Variants in COL7A1 observed in about 807,000 individuals in gnomAD.
COL7A1 encodes the protein collagen alpha-1(VII) chain.
In COL7A1, 296 loss-of-function variants were observed where a neutral mutation model predicts 456.2. The observed-to-expected ratio is 0.65, with a 90% confidence interval of 0.59 to 0.71. The LOEUF is 0.71. Ranked by LOEUF, COL7A1 falls within the 30% of genes least tolerant of loss-of-function variation. COL7A1 has a pLI of 0.00. For missense variants in COL7A1, 3,441 were observed against 4,017.2 expected (o/e 0.86, Z 3.88); for synonymous variants, 1,464 against 1,525.9 (o/e 0.96, Z 0.95).
At position 48,586,450 on chromosome 3, in the gene COL7A1, G is replaced by A. The variant is rs199679633; in HGVS notation, c.3432C>T (p.Tyr1144=). 1.1e-4 allele frequency: 183 copies of A among 1,613,826 alleles called. No individual in the cohort carries two copies. The highest frequency in any genetic ancestry group is 1.5e-4 in the Non-Finnish European group (172 of 1,180,038). The change falls in exon 27 of 119, where the codon TAC becomes TAT. Residue 1144 remains tyrosine (Y), a synonymous_variant. Transcript: ENST00000681320. The surrounding 1 kb of genome is among the most constrained non-coding windows in gnomAD (Gnocchi z 5.1). ...GCCCAGGAGCATCTGGTGCCAACAT[G>A]TATCTGTGAGCTGTGACCACGGCTG... The part of the protein sequence containing the change: ...LGTAVVTAHR[Y]MLAPDAPGRR...
chr3:48,593,090 G>T lies in COL7A1; in HGVS notation c.682+12C>A, dbSNP rs986366346. 4 of 1,614,134 alleles carry T rather than the reference G, an allele frequency of 2.5e-6. No individual in the cohort carries two copies. Among genetic ancestry groups the T allele is most frequent in the Non-Finnish European group, 3.4e-6 (4 of 1,180,020 alleles). On this transcript the variant is annotated intron_variant, in intron 6 of 118. Transcript: ENST00000681320. The surrounding 1 kb of genome is among the most constrained non-coding windows in gnomAD (Gnocchi z 4.4). ...GTCTAGGTCAGGGTACACCGTGTGGGCAGGAACTCACGAGGTCGGGTCACA... is the reference window on the plus strand; with the variant it reads ...GTCTAGGTCAGGGTACACCGTGTGGTCAGGAACTCACGAGGTCGGGTCACA...
rs1394564603 is a variant in COL7A1 at position 48,585,431 on chromosome 3, T to G, written c.3894+126A>C. On this transcript the variant is annotated intron_variant, in intron 32 of 118. Transcript: ENST00000681320. This position sits in a 1 kb window ranked among gnomAD's most constrained non-coding sequence, Gnocchi z 4.5. ...CCCCCAAAGTCTCTGTGGTGGTTTA[T>G]AACCTCCAGCTGGGCTTCTAGGAAT... 1 of 1,156,980 alleles carries G rather than the reference T, an allele frequency of 8.6e-7. No individual in the cohort carries two copies. Among genetic ancestry groups the G allele is most frequent in the Non-Finnish European group, 1.3e-6 (1 of 777,268 alleles). The allele number at this position is 1,156,980 out of a possible 1,614,324, so 71.7% of individuals were successfully genotyped here. A position where few individuals can be genotyped will look rare whatever the true frequency, so the allele number is the denominator to read the frequency against.
chr3:48,584,868 C>T (rs777070282), intron 34 of COL7A1, 42 bp downstream of exon 34: 1 of 1,613,950 alleles, frequency 6.2e-7, no homozygotes, highest in Non-Finnish European at 8.5e-7. Context: ...TGGAAGAACC[C>T]TGGGAAGACA....
chr3:48,568,393 A>G lies in COL7A1; in HGVS notation c.7794+106T>C, dbSNP rs2107638073. The stretch of plus-strand genomic sequence containing the variant: ...CTGGGTGACATGAGGACACCATGAG[A>G]GCACTGGGTCACTATAAGGTCAAAA... On this transcript the variant is annotated intron_variant, in intron 105 of 118. Transcript: ENST00000681320. The surrounding 1 kb of genome is among the most constrained non-coding windows in gnomAD (Gnocchi z 5.2). The G allele has an allele frequency of 8.2e-7, 1 of 1,223,206 alleles. No homozygotes were observed. Among genetic ancestry groups the G allele is most frequent in the East Asian group, 2.4e-5 (1 of 42,464 alleles). 75.8% of individuals were successfully genotyped at this position (1,223,206 alleles called of 1,614,324 possible). A position where few individuals can be genotyped will look rare whatever the true frequency, so the allele number is the denominator to read the frequency against.
In COL7A1 at chr3:48,568,146, G is replaced by GCACT; in HGVS notation, c.7815_7818dup (p.Pro2607SerfsTer22). The GCACT allele has an allele frequency of 6.2e-7, 1 of 1,614,002 alleles. No individual in the cohort carries two copies. The highest frequency in any genetic ancestry group is 8.5e-7 in the Non-Finnish European group (1 of 1,180,032). ...TCTCCTTTTTCTCCTCGGATACCAG[G>GCACT]CACTCCATCCTTTCCTGGGGATCCC... is the stretch of plus-strand genomic sequence containing the variant. On this transcript the variant is annotated frameshift_variant, in exon 106 of 119. Transcript: ENST00000681320. LOFTEE classifies it high-confidence loss of function. This position sits in a 1 kb window ranked among gnomAD's most constrained non-coding sequence, Gnocchi z 5.2.
chr3:48,564,694 C>CT lies in COL7A1; in HGVS notation c.8818+88dup, dbSNP rs941812838. On this transcript the variant is annotated intron_variant, in intron 118 of 118. Transcript: ENST00000681320. This position sits in a 1 kb window ranked among gnomAD's most constrained non-coding sequence, Gnocchi z 6.0. ...GGAGCGTCTCCTCCAGGACCCTGAC[C>CT]TGGAACCCTGGCCCAAGGACTCCTC... The CT allele has an allele frequency of 5.5e-6, 8 of 1,446,222 alleles. No individual in the cohort carries two copies. Among genetic ancestry groups the CT allele is most frequent in the African/African-American group, 1.4e-5 (1 of 70,808 alleles). 89.6% of individuals were successfully genotyped at this position (1,446,222 alleles called of 1,614,324 possible).
rs953324706 is a variant in COL7A1 at position 48,569,399 on chromosome 3, T to C, written c.7662A>G (p.Gly2554=). ...RGLDGDKGPR[G]DNGDPGDKGS... ...CCTTGTCACCAGGGTCCCCATTGTC[T>C]CCCCGAGGTCCTTTGTCACCATCCA... Residue 2554 remains glycine, a synonymous_variant, in exon 103 of 119, where the codon GGA becomes GGG. Transcript: ENST00000681320. This position sits in a 1 kb window ranked among gnomAD's most constrained non-coding sequence, Gnocchi z 4.9. 1 of 1,613,842 alleles carries C rather than the reference T, an allele frequency of 6.2e-7. No homozygotes were observed.
chr3:48,593,039 C>A lies in COL7A1; in HGVS notation c.682+63G>T. ...AGGAGCACATAGGATGGAATCAGCA[C>A]TGCCAAGTGGGGATTGGGGTCCGGG... On this transcript the variant is annotated intron_variant, in intron 6 of 118. Coordinates refer to ENST00000681320, the MANE Select transcript of COL7A1 (RefSeq NM_000094.4). This position sits in a 1 kb window ranked among gnomAD's most constrained non-coding sequence, Gnocchi z 4.4. The A allele has an allele frequency of 2.5e-6, 4 of 1,613,430 alleles. No homozygotes were observed. In the South Asian group the frequency reaches 4.4e-5, roughly 18 times the overall value.
In COL7A1 at chr3:48,571,338, A is replaced by T. The variant is rs2043905219; in HGVS notation, c.7069-60T>A. On this transcript the variant is annotated intron_variant, in intron 92 of 118. Coordinates refer to ENST00000681320, the MANE Select transcript of COL7A1 (RefSeq NM_000094.4). This position sits in a 1 kb window ranked among gnomAD's most constrained non-coding sequence, Gnocchi z 4.6. ...AGGAACATGAGCACAGAGTTCAGAC[A>T]CGGGCTGAAAATATTCCCAGGGGAG... The T allele has an allele frequency of 1.3e-6, 2 of 1,595,188 alleles. No homozygotes were observed. Among genetic ancestry groups the T allele is most frequent in the Admixed American group, 1.7e-5 (1 of 59,794 alleles).
At position 48,567,782 on chromosome 3, in the gene COL7A1, G is replaced by C. The variant is rs191603815; in HGVS notation, c.7930-19C>G. 2,505 of 1,614,174 alleles carry C rather than the reference G, an allele frequency of 1.6e-3. 5 individuals are homozygous for C. The highest frequency in any genetic ancestry group is 2.0e-3 in the Non-Finnish European group (2,337 of 1,180,018). On this transcript the variant is annotated intron_variant, in intron 107 of 118. Coordinates refer to ENST00000681320, the MANE Select transcript of COL7A1 (RefSeq NM_000094.4). This position sits in a 1 kb window ranked among gnomAD's most constrained non-coding sequence, Gnocchi z 4.3. Reference sequence around the variant, plus strand: ...CTTCTCCCTGCAGGCATCAGGCAGTGGGGTGAGCCTTAGGCCCCAGGCCAC... The same window carrying C: ...CTTCTCCCTGCAGGCATCAGGCAGTCGGGTGAGCCTTAGGCCCCAGGCCAC...
At position 48,582,364 on chromosome 3, in the gene COL7A1, G is replaced by A; in HGVS notation, c.4600-6C>T. 1 of 1,614,054 alleles carries A rather than the reference G, an allele frequency of 6.2e-7. No homozygotes were observed. On this transcript the variant is annotated splice_polypyrimidine_tract_variant and splice_region_variant and intron_variant, in intron 46 of 118. Transcript: ENST00000681320. ...CCAGGGCGACCAGGCTCCCCCTGTGGAGAGAGGATAGGAGCAGGGACAGGT... is the reference window on the plus strand; with the variant it reads ...CCAGGGCGACCAGGCTCCCCCTGTGAAGAGAGGATAGGAGCAGGGACAGGT...
chr3:48,581,540 T>A lies in COL7A1; in HGVS notation c.4782+33A>T. 1 of 1,614,028 alleles carries A rather than the reference T, an allele frequency of 6.2e-7. No individual in the cohort carries two copies. The highest frequency in any genetic ancestry group is 1.1e-5 in the South Asian group (1 of 91,072). ...TCAGGGTCCCACCACCTCATCTCCC[T>A]CTGTCACACTCCCCATTCCCACATT... On this transcript the variant is annotated intron_variant, in intron 50 of 118. Transcript: ENST00000681320. This position sits in a 1 kb window ranked among gnomAD's most constrained non-coding sequence, Gnocchi z 5.8.
chr3:48,572,032 C>A lies in COL7A1; in HGVS notation c.7037G>T (p.Arg2346Leu). Reference protein sequence around the residue: ...GPRGEKGEAGRAGEPGDPGED... With the variant: ...GPRGEKGEAGLAGEPGDPGED... ...CCCAGGGTCTCCGGGCTCCCCTGCACGGCCAGCTTCACCCTGCACAGAATG... is the reference window on the plus strand; with the variant it reads ...CCCAGGGTCTCCGGGCTCCCCTGCAAGGCCAGCTTCACCCTGCACAGAATG... Residue 2346 changes from arginine to leucine, a missense_variant, in exon 92 of 119, where the codon CGT becomes CTT. Physicochemically the swap from Arg to Leu is moderately radical, Grantham distance 102. Coordinates refer to ENST00000681320, the MANE Select transcript of COL7A1 (RefSeq NM_000094.4). This position sits in a 1 kb window ranked among gnomAD's most constrained non-coding sequence, Gnocchi z 4.6. The A allele has an allele frequency of 1.9e-6, 3 of 1,612,950 alleles. No homozygotes were observed. The highest frequency in any genetic ancestry group is 2.5e-6 in the Non-Finnish European group (3 of 1,179,524).
Position 48,571,682 on chromosome 3 carries a change from C to T in COL7A1, c.7068+319G>A. 1.5e-6 allele frequency: 1 copy of T among 652,242 alleles called. No individual in the cohort carries two copies. Among genetic ancestry groups the T allele is most frequent in the Non-Finnish European group, 2.9e-6 (1 of 346,676 alleles). The allele number at this position is 652,242 out of a possible 1,614,324, so 40.4% of individuals were successfully genotyped here. A position where few individuals can be genotyped will look rare whatever the true frequency, so the allele number is the denominator to read the frequency against. On this transcript the variant is annotated intron_variant, in intron 92 of 118. Coordinates refer to ENST00000681320, the MANE Select transcript of COL7A1 (RefSeq NM_000094.4). The surrounding 1 kb of genome is among the most constrained non-coding windows in gnomAD (Gnocchi z 4.6). ...GGGCAGGGGAAAGGAGGATTGTAAA[C>T]ACAGGACCAAGGAGAGGTTCACAAG...
Position 48,573,751 on chromosome 3 carries a change from GA to G in COL7A1, c.6538-27del, listed in dbSNP as rs775677172. On this transcript the variant is annotated intron_variant, in intron 81 of 118. Coordinates refer to ENST00000681320, the MANE Select transcript of COL7A1 (RefSeq NM_000094.4). The surrounding 1 kb of genome is among the most constrained non-coding windows in gnomAD (Gnocchi z 5.5). ...CTGTTGTGGCGAAAAAGAGTCTGAT[GA>G]GGGGGAGTTAGCCGCACCCCACCAA... 4 of 1,613,846 alleles carry G rather than the reference GA, an allele frequency of 2.5e-6. No individual in the cohort carries two copies. Among genetic ancestry groups the G allele is most frequent in the South Asian group, 2.2e-5 (2 of 91,048 alleles).
Position 48,566,974 on chromosome 3 carries a change from G to C in COL7A1, c.8159C>G (p.Ser2720Cys). The change falls in exon 111 of 119, where the codon TCT (serine) becomes TGT (cysteine). Residue 2720 changes from serine to cysteine, a missense_variant. Physicochemically the swap from Ser to Cys is moderately radical, Grantham distance 112 (BLOSUM62 -1). This residue lies in a region of COL7A1 where 2,084 missense variants were observed against 2,501.3 expected (regional missense o/e 0.83). Coordinates refer to ENST00000681320, the MANE Select transcript of COL7A1 (RefSeq NM_000094.4). The surrounding 1 kb of genome is among the most constrained non-coding windows in gnomAD (Gnocchi z 5.9). ...GCCAGGTGGCCCTGGGGGACCAGCA[G>C]AGCCATCATTTCCACTGGGGCCTGG... ...GFPGPSGNDG[S>C]AGPPGPPGSV... 6.2e-7 allele frequency: 1 copy of C among 1,611,790 alleles called. No individual in the cohort carries two copies. The highest frequency in any genetic ancestry group is 8.5e-7 in the Non-Finnish European group (1 of 1,178,320).
Position 48,573,889 on chromosome 3 carries a change from C to A in COL7A1, c.6503G>T (p.Gly2168Val), listed in dbSNP as rs1277771436. ...AGGGGGGCCTCTTGGACCCTGCAGA[C>A]CCTACATAGAGAGGGCACTGATGAG... ...RGMAGPEGKPGLQGPRGPPGP... is the reference protein window; with the variant it reads ...RGMAGPEGKPVLQGPRGPPGP... The change falls in exon 81 of 119, where the codon GGT becomes GTT. Residue 2168 changes from glycine (G) to valine (V), a missense_variant and splice_region_variant. Physicochemically the swap from Gly to Val is moderately radical, Grantham distance 109. Around this residue, in one of 3 missense-constraint regions of COL7A1, gnomAD observed 2,084 missense variants for 2,501.3 expected, o/e 0.83. Coordinates refer to ENST00000681320, the MANE Select transcript of COL7A1 (RefSeq NM_000094.4). The surrounding 1 kb of genome is among the most constrained non-coding windows in gnomAD (Gnocchi z 5.5). 6.2e-7 allele frequency: 1 copy of A among 1,613,472 alleles called. No homozygotes were observed. The highest frequency in any genetic ancestry group is 1.1e-5 in the South Asian group (1 of 91,032).
chr3:48,573,149 A>C lies in COL7A1; in HGVS notation c.6714+25T>G. 6 of 1,613,920 alleles carry C rather than the reference A, an allele frequency of 3.7e-6. No homozygotes were observed. The highest frequency in any genetic ancestry group is 5.1e-6 in the Non-Finnish European group (6 of 1,179,850). On this transcript the variant is annotated intron_variant, in intron 85 of 118. Transcript: ENST00000681320. The surrounding 1 kb of genome is among the most constrained non-coding windows in gnomAD (Gnocchi z 5.5). ...CAAGGAGTGAAAACACGGTGTCCCT[A>C]CAGGGGCCACAGGGACTCACTCACC...
At position 48,569,289 on chromosome 3, in the gene COL7A1, T is replaced by C; in HGVS notation, c.7686+86A>G. On this transcript the variant is annotated intron_variant, in intron 103 of 118. Transcript: ENST00000681320. This position sits in a 1 kb window ranked among gnomAD's most constrained non-coding sequence, Gnocchi z 4.9. Reference sequence around the variant, plus strand: ...CCCTAAACCCCAGAAAGCCTCCTCCTGTCCTCCCCTCCTGCCCTCACAGAT... The same window carrying C: ...CCCTAAACCCCAGAAAGCCTCCTCCCGTCCTCCCCTCCTGCCCTCACAGAT... 6.6e-7 allele frequency: 1 copy of C among 1,520,240 alleles called. No individual in the cohort carries two copies. The highest frequency in any genetic ancestry group is 9.1e-7 in the Non-Finnish European group (1 of 1,094,800). The allele number at this position is 1,520,240 out of a possible 1,614,324, so 94.2% of individuals were successfully genotyped here. A position where few individuals can be genotyped will look rare whatever the true frequency, so the allele number is the denominator to read the frequency against.
Sources: gnomAD v4.1 joint callset for allele counts on GRCh38, gnomAD v4.1.1 for gene constraint, gnomAD v4.1.1 regional missense constraint, Gnocchi (gnomAD v3.1) non-coding constraint, MANE v1.5 for transcripts, NCBI Gene and HGNC (gene_info 2026-07-23, HGNC 2026-07-21) for gene names.